The following SLC38A6 variants were observed in gnomAD, a reference collection of about 807,000 sequenced individuals.
The protein encoded by SLC38A6 is solute carrier family 38 member 6.
A neutral mutation model predicts 65.0 loss-of-function variants in SLC38A6; 73 were observed. The observed-to-expected ratio is 1.12, with a 90% CI of 0.93 to 1.37. The LOEUF is 1.37. Ranked by LOEUF, SLC38A6 falls within the 40% of genes most tolerant of loss-of-function variation. The pLI, the probability that SLC38A6 is intolerant of heterozygous loss-of-function variation, is 0.00. For missense variants in SLC38A6, 561 were observed against 531.1 expected (o/e 1.06, Z -0.55); for synonymous variants, 183 against 178.8 (o/e 1.02, Z -0.19).
At chr14:61,077,204 G>A (rs1226092630) in intron 15 of SLC38A6, among the ~76,000 whole-genome samples, 2 of 152,182 alleles carry the variant, frequency 1.3e-5, no homozygotes, top group East Asian at 3.8e-4. Context: ...TCAAAGACCA[G>A]TGAAAACTTT....
intron 3 of SLC38A6, among the ~76,000 whole-genome samples, chr14:60,986,073 C>T (rs944552599): frequency 2.6e-5 from 4 of 152,250 alleles, no homozygotes; most frequent in African/African-American, 7.2e-5. Flanking sequence ...CTGATTTCAA[C>T]ATGAGATTTG....
At chr14:60,987,949 A>C (rs1183646484) in intron 3 of SLC38A6, among the ~76,000 whole-genome samples, 1 of 152,230 alleles carries the variant, frequency 6.6e-6, no homozygotes, top group Non-Finnish European at 1.5e-5. Flanking sequence ...CAAGTATATT[A>C]GGTTATCTTT....
intron 3 of SLC38A6, among the ~76,000 whole-genome samples, chr14:60,991,892 A>G (rs2037915392): frequency 6.6e-6 from 1 of 152,160 alleles, no homozygotes; most frequent in Admixed American, 6.5e-5. Context: ...GAAAGAGAGA[A>G]AGGGATGCCT....
At chr14:61,054,677 T>C (rs2042645445), downstream of SLC38A6, among the ~76,000 whole-genome samples, 1 of 152,344 alleles carries the variant, frequency 6.6e-6, no homozygotes. Flanking sequence ...AGTTTGGTTA[T>C]TGGTGGTGTA....
At chr14:61,083,525 T>G in intron 16 of SLC38A6, 1 of 1,544,832 alleles carries the variant, frequency 6.5e-7, no homozygotes, top group Non-Finnish European at 8.7e-7. Flanking sequence ...AAGCCCTAAT[T>G]CAATGTGACT....
At position 60,986,270 on chromosome 14, in the gene SLC38A6, G is replaced by A. The variant is rs1004427802; in HGVS notation, c.310+1467G>A. ...TCATAGATCTTTTTATACACAGAGA[G>A]CTCTAAGCCTCAGGGATTCTAATTT... On this transcript the variant is annotated intron_variant, in intron 3 of 15. Coordinates refer to ENST00000267488, the MANE Select transcript of SLC38A6 (RefSeq NM_153811.3). Among the ~76,000 whole-genome samples the A allele has an allele frequency of 8.1e-4, 124 of 152,212 alleles. 1 individual carries two copies. Among genetic ancestry groups the A allele is most frequent in the Non-Finnish European group, 2.9e-4 (20 of 68,030 alleles).
At chr14:61,055,129 T>TA (rs71114182), downstream of SLC38A6, among the ~76,000 whole-genome samples, 8 of 132,132 alleles carry the variant, frequency 6.1e-5, 1 homozygote, top group African/African-American at 8.3e-5. Context: ...TTTTTTTTTT[T>TA]ATTATACTCT....
intron 3 of SLC38A6, among the ~76,000 whole-genome samples, chr14:61,006,044 C>A (rs997243287): frequency 2.0e-5 from 3 of 152,172 alleles, no homozygotes; most frequent in African/African-American, 7.2e-5. Flanking sequence ...CCTATCTGAT[C>A]TTTGACAAAC....
intron 12 of SLC38A6, among the ~76,000 whole-genome samples, chr14:61,049,433 A>G (rs912260613): frequency 6.6e-6 from 1 of 152,134 alleles, no homozygotes; most frequent in African/African-American, 2.4e-5. Flanking sequence ...TGACTCATGT[A>G]ATGTTCTCAG....
chr14:60,987,980 T>C (rs2037578894), intron 3 of SLC38A6, among the ~76,000 whole-genome samples: 1 of 152,240 alleles, frequency 6.6e-6, no homozygotes, highest in South Asian at 2.1e-4. Flanking sequence ...ACTCATCCCA[T>C]ATGGCTGTCA....
chr14:61,078,070 A>G (rs766645980), intron 15 of SLC38A6, among the ~76,000 whole-genome samples: 2 of 152,252 alleles, frequency 1.3e-5, no homozygotes, highest in Non-Finnish European at 2.9e-5. Context: ...GGTGACCTCT[A>G]TACAATACCT....
intron 3 of SLC38A6, among the ~76,000 whole-genome samples, chr14:60,995,969 G>A (rs1268380848): frequency 6.6e-6 from 1 of 152,154 alleles, no homozygotes; most frequent in East Asian, 1.9e-4. Context: ...TTATATATTT[G>A]TCAAAACCCA....
At chr14:60,994,243 T>C (rs1481567210) in intron 3 of SLC38A6, among the ~76,000 whole-genome samples, 1 of 152,216 alleles carries the variant, frequency 6.6e-6, no homozygotes, top group Admixed American at 6.5e-5. Context: ...GGGATATTAT[T>C]CAGCACTAAG....
intron 2 of SLC38A6, 116 bp from the exon 3 acceptor site, chr14:60,984,614 A>C (rs2037316312): frequency 1.3e-6 from 1 of 768,432 alleles, no homozygotes; most frequent in Admixed American, 1.9e-5. Context: ...TAATTCTGCT[A>C]CTCAGAGATA....
intron 3 of SLC38A6, among the ~76,000 whole-genome samples, chr14:61,014,572 T>C (rs1332200157): frequency 2.6e-5 from 4 of 152,340 alleles, no homozygotes. Flanking sequence ...GGTGTGGATG[T>C]CCTTTCTGTT....
At chr14:61,083,360 G>C (rs796272630) in intron 16 of SLC38A6, among the ~76,000 whole-genome samples, 4 of 152,198 alleles carry the variant, frequency 2.6e-5, no homozygotes, top group Non-Finnish European at 5.9e-5. Context: ...CAGTCATAGG[G>C]TGGTAGCCCC....
rs890152199 is a variant in SLC38A6 at position 61,015,975 on chromosome 14, C to T, written c.363+19C>T. 4.4e-6 allele frequency: 7 copies of T among 1,595,014 alleles called. No individual in the cohort carries two copies. Among genetic ancestry groups the T allele is most frequent in the African/African-American group, 2.7e-5 (2 of 73,946 alleles). On this transcript the variant is annotated intron_variant, in intron 4 of 15. Coordinates refer to ENST00000267488, the MANE Select transcript of SLC38A6 (RefSeq NM_153811.3). ...TGGAAAGGTAATTTTTTTTCCTCCT[C>T]ATTGTGTCCAAAACCCAAAGTGGCA...
At chr14:61,083,484 A>G (rs913521396) in intron 16 of SLC38A6, 2 of 1,505,008 alleles carry the variant, frequency 1.3e-6, no homozygotes. Context: ...TAGGGTCTTT[A>G]AAGAAGTAAT....
At chr14:61,004,356 G>A (rs2038927337) in intron 3 of SLC38A6, 1 of 152,188 alleles carries the variant, frequency 6.6e-6, no homozygotes, top group East Asian at 1.9e-4. Context: ...ATGTAAAATA[G>A]GTCATTTGAA....
Sources: gnomAD v4.1 joint callset for allele counts (sites outside exome capture counted in the v4.1 genomes callset) on GRCh38, gnomAD v4.1.1 for gene constraint, MANE v1.5 for transcripts, NCBI Gene and HGNC (gene_info 2026-07-23, HGNC 2026-07-21) for gene names.